The following ARHGAP26 variants were observed in gnomAD, a reference collection of about 807,000 sequenced individuals.
ARHGAP26 encodes the protein rho GTPase-activating protein 26.
ARHGAP26 carries 38 observed loss-of-function variants against 104.8 expected under a neutral mutation model. The ratio of observed to expected loss-of-function variants is 0.36; its 90% CI spans 0.28 to 0.48. The LOEUF is 0.48. Ranked by LOEUF, ARHGAP26 falls within the 20% of genes least tolerant of loss-of-function variation. The probability of loss-of-function intolerance (pLI) is 0.99; values close to 1 mark genes in which losing one functional copy is unlikely to be tolerated. For missense variants in ARHGAP26, 704 were observed against 947.9 expected, an observed-to-expected ratio of 0.74 and a Z score of 3.38; for synonymous variants, 341 against 340.0, an observed-to-expected ratio of 1.00 and a Z score of -0.03.
chr5:142,898,472 G>A (rs1759800542), intron 6 of ARHGAP26, among the ~76,000 whole-genome samples: 1 of 152,092 alleles, frequency 6.6e-6, no homozygotes, highest in African/African-American at 2.4e-5. Context: ...ATATTTCTTG[G>A]TGCAGTGTCT....
At chr5:143,195,844 G>C (rs1391189974) in intron 20 of ARHGAP26, among the ~76,000 whole-genome samples, 1 of 151,316 alleles carries the variant, frequency 6.6e-6, no homozygotes, top group Non-Finnish European at 1.5e-5. Flanking sequence ...TTAAGTTGTG[G>C]TTATAAAAGT....
rs767493731 is a variant in ARHGAP26, at chr5:143,056,002, G to C, written c.1374-26G>C. 40 of 1,579,606 alleles carry C rather than the reference G, an allele frequency of 2.5e-5. No individual in the cohort carries two copies. In the Admixed American group the frequency reaches 5.4e-4, roughly 21 times the overall value. ...ATATGATTATTCTTATTATTAAGCT[G>C]ACTAGCCTATCTCCTTTTCCTCCAG... is the stretch of plus-strand genomic sequence containing the variant. On this transcript the variant is annotated intron_variant, in intron 15 of 22. Transcript: ENST00000645722.
intron 5 of ARHGAP26, among the ~76,000 whole-genome samples, chr5:142,889,288 G>A (rs1450761391): frequency 1.3e-5 from 2 of 152,082 alleles, no homozygotes; most frequent in South Asian, 2.1e-4. Flanking sequence ...AAAATTAGAC[G>A]AGGTCTTTGT....
At chr5:143,120,293 A>G (rs1197343756) in intron 17 of ARHGAP26, among the ~76,000 whole-genome samples, 3 of 152,308 alleles carry the variant, frequency 2.0e-5, no homozygotes, top group East Asian at 3.9e-4. Context: ...GTCTTTAGCA[A>G]ATTACTCACA....
intron 11 of ARHGAP26, among the ~76,000 whole-genome samples, chr5:143,000,760 A>G (rs1202296189): frequency 2.0e-5 from 3 of 152,236 alleles, no homozygotes; most frequent in African/African-American, 7.2e-5. Flanking sequence ...CATCATTCTC[A>G]GCAGACTAAC....
At chr5:143,163,553 C>T (rs539866368) in intron 20 of ARHGAP26, among the ~76,000 whole-genome samples, 35 of 152,036 alleles carry the variant, frequency 2.3e-4, no homozygotes, top group African/African-American at 6.5e-4. Context: ...TGGGTTCAAG[C>T]GACTCTTCTG....
chr5:143,002,569 G>A (rs889265971), intron 11 of ARHGAP26, among the ~76,000 whole-genome samples: 18 of 152,230 alleles, frequency 1.2e-4, no homozygotes, highest in Non-Finnish European at 2.2e-4. Flanking sequence ...TGCTAGAGCC[G>A]TAAGACTCCT....
At chr5:143,070,166 G>A (rs1411873417) in intron 17 of ARHGAP26, among the ~76,000 whole-genome samples, 2 of 152,122 alleles carry the variant, frequency 1.3e-5, no homozygotes, top group South Asian at 4.1e-4. Flanking sequence ...AGGTTTTCTT[G>A]TTCTCTGTAT....
intron 17 of ARHGAP26, among the ~76,000 whole-genome samples, chr5:143,107,961 T>G (rs775973688): frequency 2.2e-4 from 33 of 152,238 alleles, no homozygotes; most frequent in Admixed American, 2.6e-4. Flanking sequence ...TCTATTTTTG[T>G]GATTAAGGCA....
chr5:143,104,275 C>T (rs1366096601), intron 17 of ARHGAP26, among the ~76,000 whole-genome samples: 2 of 151,972 alleles, frequency 1.3e-5, no homozygotes, highest in Admixed American at 6.6e-5. Flanking sequence ...TCTGGGAAGC[C>T]GAAGCAGGTG....
intron 1 of ARHGAP26, among the ~76,000 whole-genome samples, chr5:142,787,142 C>T (rs1177315917): frequency 1.3e-5 from 2 of 152,138 alleles, no homozygotes; most frequent in African/African-American, 4.8e-5. Flanking sequence ...GGGCACAGAA[C>T]TTCTGGCTCA....
At chr5:142,851,531 A>G (rs999686152) in intron 1 of ARHGAP26, among the ~76,000 whole-genome samples, 1 of 152,204 alleles carries the variant, frequency 6.6e-6, no homozygotes, top group African/African-American at 2.4e-5. Context: ...ACAGCTTGGC[A>G]TTTTGCCCCT....
chr5:142,776,526 A>C (rs1756356689), intron 1 of ARHGAP26, among the ~76,000 whole-genome samples: 1 of 152,192 alleles, frequency 6.6e-6, no homozygotes, highest in African/African-American at 2.4e-5. Context: ...GGCTTCTTTC[A>C]CTAAGCATGC....
intron 20 of ARHGAP26, chr5:143,203,622 C>G (rs992220344): frequency 6.6e-6 from 1 of 152,168 alleles, no homozygotes; most frequent in Admixed American, 6.5e-5. Flanking sequence ...CACATGCACA[C>G]GTATGTTTAT....
At chr5:142,781,284 T>C (rs1457569712) in intron 1 of ARHGAP26, among the ~76,000 whole-genome samples, 4 of 152,224 alleles carry the variant, frequency 2.6e-5, no homozygotes, top group Non-Finnish European at 4.4e-5. Flanking sequence ...TTGAAAAAAG[T>C]CTACTCATTA....
chr5:142,924,100 G>A (rs931089536), intron 10 of ARHGAP26, among the ~76,000 whole-genome samples: 4 of 152,144 alleles, frequency 2.6e-5, no homozygotes, highest in African/African-American at 9.6e-5. Flanking sequence ...CTGACCTCGC[G>A]ATCCACCCGC....
intron 1 of ARHGAP26, among the ~76,000 whole-genome samples, chr5:142,815,064 G>C (rs1452024224): frequency 6.6e-6 from 1 of 152,158 alleles, no homozygotes; most frequent in African/African-American, 2.4e-5. Flanking sequence ...GGGGTGGCAT[G>C]ATCTCGGCTC....
chr5:142,847,400 C>T (rs1358025272), intron 1 of ARHGAP26, among the ~76,000 whole-genome samples: 5 of 151,938 alleles, frequency 3.3e-5, no homozygotes, highest in African/African-American at 1.2e-4. Context: ...TCTTGTTGCC[C>T]GGGCTGGAGT....
chr5:143,088,019 C>A (rs1790852493), intron 17 of ARHGAP26, among the ~76,000 whole-genome samples: 1 of 152,128 alleles, frequency 6.6e-6, no homozygotes, highest in South Asian at 2.1e-4. Context: ...TGTTAAAATG[C>A]AGGTTCTTCA....
Sources: gnomAD v4.1 joint callset for allele counts (sites outside exome capture counted in the v4.1 genomes callset) on GRCh38, gnomAD v4.1.1 for gene constraint, MANE v1.5 for transcripts, NCBI Gene and HGNC (gene_info 2026-07-23, HGNC 2026-07-21) for gene names.